SLC35F4: variants seen among roughly 807,000 people sequenced by gnomAD.
SLC35F4 encodes solute carrier family 35 member F4, also known as chromosome 14 open reading frame 36.
SLC35F4 carries 24 observed loss-of-function variants against 44.2 expected under a neutral mutation model. That is an observed-to-expected ratio of 0.54 (90% confidence interval 0.39 to 0.76). The LOEUF is 0.76. SLC35F4 is among the 30% of genes least tolerant of loss of function. The pLI, the probability that SLC35F4 is intolerant of heterozygous loss-of-function variation, is 0.00. For missense variants in SLC35F4, 562 were observed against 586.1 expected, an observed-to-expected ratio of 0.96 and a Z score of 0.42; for synonymous variants, 238 against 223.6, an observed-to-expected ratio of 1.06 and a Z score of -0.57.
intron 1 of SLC35F4, among the ~76,000 whole-genome samples, chr14:57,794,326 G>A (rs1056030556): frequency 1.3e-5 from 2 of 151,936 alleles, no homozygotes; most frequent in African/African-American, 4.8e-5. Context: ...GTTCAGAATT[G>A]ACAAGGAACT....
At chr14:57,883,899 GT>G (rs1383433581) in intron 1 of SLC35F4, among the ~76,000 whole-genome samples, 1 of 151,868 alleles carries the variant, frequency 6.6e-6, no homozygotes, top group Non-Finnish European at 1.5e-5. Context: ...TCTTTCTAAC[GT>G]TTTGTACAGT....
intron 1 of SLC35F4, among the ~76,000 whole-genome samples, chr14:57,782,278 C>T (rs1285023837): frequency 2.0e-5 from 3 of 147,854 alleles, no homozygotes; most frequent in East Asian, 2.0e-4. Context: ...GAACTTCACA[C>T]ATCCCCTTAT....
chr14:57,695,140 C>T (rs2075344306), intron 1 of SLC35F4, among the ~76,000 whole-genome samples: 1 of 152,094 alleles, frequency 6.6e-6, no homozygotes, highest in African/African-American at 2.4e-5. Flanking sequence ...ACACCAAAAG[C>T]AATGGCAACA....
chr14:57,733,450 A>T (rs2076393059), intron 1 of SLC35F4, among the ~76,000 whole-genome samples: 1 of 151,742 alleles, frequency 6.6e-6, no homozygotes, highest in Non-Finnish European at 1.5e-5. Context: ...GTAGAAAGAT[A>T]TTTAATCAAC....
chr14:57,625,087 G>C (rs1471144039), intron 1 of SLC35F4, among the ~76,000 whole-genome samples: 1 of 152,180 alleles, frequency 6.6e-6, no homozygotes, highest in East Asian at 1.9e-4. Context: ...TCCTTAAGCT[G>C]ATAAGCAACT....
At chr14:57,701,356 G>T (rs2075534532) in intron 1 of SLC35F4, among the ~76,000 whole-genome samples, 1 of 152,080 alleles carries the variant, frequency 6.6e-6, no homozygotes. Flanking sequence ...ACCTGCCTGA[G>T]GGTGTTTTAC....
chr14:57,582,336 C>T (rs2069342964), intron 3 of SLC35F4, among the ~76,000 whole-genome samples: 1 of 152,154 alleles, frequency 6.6e-6, no homozygotes, highest in Non-Finnish European at 1.5e-5. Context: ...GCTGGGACTA[C>T]AGGCACGCAC....
chr14:57,744,006 C>G (rs973695591), intron 1 of SLC35F4, among the ~76,000 whole-genome samples: 1 of 152,092 alleles, frequency 6.6e-6, no homozygotes, highest in Non-Finnish European at 1.5e-5. Context: ...GCAGAAAAAG[C>G]CTTCAACAAA....
At chr14:57,807,003 C>T (rs1281420001) in intron 1 of SLC35F4, among the ~76,000 whole-genome samples, 1 of 152,176 alleles carries the variant, frequency 6.6e-6, no homozygotes, top group Non-Finnish European at 1.5e-5. Flanking sequence ...AAATAAATAA[C>T]TCTTGCTATT....
At chr14:57,843,824 G>A (rs1885732099) in intron 1 of SLC35F4, among the ~76,000 whole-genome samples, 1 of 152,062 alleles carries the variant, frequency 6.6e-6, no homozygotes, top group Non-Finnish European at 1.5e-5. Context: ...TAATATCTCT[G>A]CAGGACATTA....
At chr14:57,877,674 CTTTTTTT>C (rs139397949) in intron 1 of SLC35F4, among the ~76,000 whole-genome samples, 2 of 52,440 alleles carry the variant, frequency 3.8e-5, no homozygotes, top group Non-Finnish European at 6.9e-5. Flanking sequence ...TATTTTTTGA[CTTTTTTT>C]TTTTTTTTTT....
intron 1 of SLC35F4, among the ~76,000 whole-genome samples, chr14:57,730,573 T>C (rs571437845): frequency 6.6e-6 from 1 of 152,310 alleles, no homozygotes; most frequent in African/African-American, 2.4e-5. Context: ...AGGTCACCAA[T>C]TGTGTAGAAA....
intron 4 of SLC35F4, among the ~76,000 whole-genome samples, chr14:57,577,033 C>A (rs114649834): frequency 1.4e-3 from 216 of 152,314 alleles, no homozygotes; most frequent in African/African-American, 5.1e-3. Flanking sequence ...ACTGTCCATC[C>A]TCCACTGCCT....
intron 1 of SLC35F4, among the ~76,000 whole-genome samples, chr14:57,957,049 A>C (rs1890250713): frequency 6.6e-6 from 1 of 152,236 alleles, no homozygotes; most frequent in Non-Finnish European, 1.5e-5. Flanking sequence ...CCAAACGTTC[A>C]TCAATGATAT....
rs543963927 is a variant in SLC35F4 at position 57,586,717 on chromosome 14, C to CAAAAAAAAAAAAAAA, written c.587+2484_587+2498dup. On this transcript the variant is annotated intron_variant, in intron 3 of 7. Coordinates refer to ENST00000556826, the MANE Select transcript of SLC35F4 (RefSeq NM_001306087.2). ...TGGGTGACAGAGCGAGACTCTGTCT[C>CAAAAAAAAAAAAAAA]AAAAAAAAAAAAAAAAAAAAAAAAA... Among the ~76,000 whole-genome samples the CAAAAAAAAAAAAAAA allele has an allele frequency of 1.4e-3, 18 of 12,496 alleles. 3 individuals carry two copies. Among genetic ancestry groups the CAAAAAAAAAAAAAAA allele is most frequent in the East Asian group, 7.9e-3 (1 of 126 alleles). The allele number at this position is 12,496 out of a possible 152,430, so 8.2% of individuals were successfully genotyped here. A position where few individuals can be genotyped will look rare whatever the true frequency, so the allele number is the denominator to read the frequency against.
intron 1 of SLC35F4, among the ~76,000 whole-genome samples, chr14:57,612,602 A>G (rs238399): frequency 0.68 from 102,885 of 152,068 alleles, 35,581 homozygotes; most frequent in Non-Finnish European, 0.75. Context: ...GCTCTGTCTT[A>G]GCTATTTCTG....
Position 57,660,813 on chromosome 14 carries a change from C to T in SLC35F4, c.104-66689G>A, listed in dbSNP as rs142964684. ...AGATCCTCCAGTCTAGTCAAGCCTT[C>T]AAACATTTTGACTGCAATCTCATAA... On this transcript the variant is annotated intron_variant, in intron 1 of 7. Coordinates refer to ENST00000556826, the MANE Select transcript of SLC35F4 (RefSeq NM_001306087.2). 2.2e-3 allele frequency among the ~76,000 whole-genome samples: 336 copies of T among 152,188 alleles called. 1 individual carries two copies. The highest frequency in any genetic ancestry group is 7.2e-3 in the African/African-American group (299 of 41,552).
At chr14:57,768,862 C>G (rs1358001110) in intron 1 of SLC35F4, among the ~76,000 whole-genome samples, 1 of 152,132 alleles carries the variant, frequency 6.6e-6, no homozygotes, top group Non-Finnish European at 1.5e-5. Context: ...AAGCAATCCT[C>G]CTGCCTCAGC....
At chr14:57,975,261 G>C (rs1453786059), downstream of SLC35F4, among the ~76,000 whole-genome samples, 1 of 152,146 alleles carries the variant, frequency 6.6e-6, no homozygotes, top group Non-Finnish European at 1.5e-5. Flanking sequence ...CACTGGCAAA[G>C]CCATCAATTG....
Sources: allele counts gnomAD v4.1 joint callset (sites outside exome capture counted in the v4.1 genomes callset), GRCh38; gene constraint gnomAD v4.1.1; transcripts MANE v1.5; gene names NCBI Gene and HGNC (gene_info 2026-07-23, HGNC 2026-07-21).